Variants in KYNU observed in about 807,000 individuals in gnomAD.
The protein encoded by KYNU is kynureninase, also known as L-kynurenine hydrolase.
Under a neutral mutation model 59.2 loss-of-function variants are expected in KYNU, and 54 were observed. That is an observed-to-expected ratio of 0.91 (90% CI 0.73 to 1.14). KYNU has a LOEUF of 1.14. Among genes scored for constraint, KYNU ranks in the 50% most tolerant of loss-of-function variants. The probability of loss-of-function intolerance (pLI) is 0.00; values close to 1 mark genes in which losing one functional copy is unlikely to be tolerated. For synonymous variants in KYNU, 177 were observed against 192.0 expected (o/e 0.92, Z 0.65); for missense variants, 567 against 554.4 (o/e 1.02, Z -0.23).
rs531529615 is a variant in KYNU at position 142,905,685 on chromosome 2, C to G, written c.170-12924C>G. ...ATGTGTGCTCACAATAAGGTTTCCTCTAAAGGTTATTTTTCTACTTTCTTC... is the reference window on the plus strand; with the variant it reads ...ATGTGTGCTCACAATAAGGTTTCCTGTAAAGGTTATTTTTCTACTTTCTTC... On this transcript the variant is annotated intron_variant, in intron 2 of 13. Coordinates refer to ENST00000264170, the MANE Select transcript of KYNU (RefSeq NM_003937.3). Among the ~76,000 whole-genome samples the G allele has an allele frequency of 7.2e-5, 11 of 152,290 alleles. 2 individuals carry two copies. The South Asian group carries it at 2.1e-3, about 29-fold the overall frequency.
In KYNU at chr2:142,899,139, G is replaced by A. The variant is rs531934308; in HGVS notation, c.169+13603G>A. Among the ~76,000 whole-genome samples, 11 of 152,262 alleles carry A rather than the reference G, an allele frequency of 7.2e-5. No homozygotes were observed. In the East Asian group the frequency reaches 7.7e-4, roughly 11 times the overall value. Reference sequence around the variant, plus strand: ...AGTGAGCAAAAGCTCAGCTCAAGCCGTAACAAACACGGACCAGAAGAGCGT... The same window carrying A: ...AGTGAGCAAAAGCTCAGCTCAAGCCATAACAAACACGGACCAGAAGAGCGT... On this transcript the variant is annotated intron_variant, in intron 2 of 13. Transcript: ENST00000264170.
intron 8 of KYNU, among the ~76,000 whole-genome samples, chr2:142,970,755 TAAC>T (rs1275889674): frequency 3.3e-5 from 5 of 152,214 alleles, no homozygotes; most frequent in Admixed American, 1.3e-4. Flanking sequence ...AGAATGCAAA[TAAC>T]TTCAGCTCTT....
chr2:143,003,214 T>C (rs1356255071), intron 10 of KYNU, among the ~76,000 whole-genome samples: 3 of 152,164 alleles, frequency 2.0e-5, no homozygotes, highest in Non-Finnish European at 1.5e-5. Context: ...CTCAGTTATC[T>C]GTTCAAATTA....
chr2:142,938,044 AT>A (rs1232139878), intron 4 of KYNU, among the ~76,000 whole-genome samples: 2 of 151,506 alleles, frequency 1.3e-5, no homozygotes, highest in African/African-American at 4.9e-5. Context: ...GACTTCGGTA[AT>A]TTTTTTTTAC....
chr2:142,979,588 A>C (rs1684994475), intron 8 of KYNU, among the ~76,000 whole-genome samples: 1 of 152,126 alleles, frequency 6.6e-6, no homozygotes. Flanking sequence ...AAGTTTATGT[A>C]AATAGAGAGA....
intron 4 of KYNU, among the ~76,000 whole-genome samples, chr2:142,930,647 GTC>G (rs1683178706): frequency 6.6e-6 from 1 of 152,060 alleles, no homozygotes; most frequent in Non-Finnish European, 1.5e-5. Flanking sequence ...GTTCTCTGGT[GTC>G]TCTCACACGT....
chr2:142,913,307 C>T (rs970833553), intron 2 of KYNU, among the ~76,000 whole-genome samples: 5 of 152,174 alleles, frequency 3.3e-5, no homozygotes, highest in Admixed American at 2.6e-4. Context: ...ATCATTCTAA[C>T]TTACTGATGT....
At chr2:142,883,280 A>AC (rs964313866) in intron 1 of KYNU, among the ~76,000 whole-genome samples, 3 of 117,222 alleles carry the variant, frequency 2.6e-5, no homozygotes, top group South Asian at 3.0e-4. Context: ...TGCAGGCTCC[A>AC]CCCCCCGGGG....
At position 143,044,711 on chromosome 2, in the gene KYNU, T is replaced by C. The variant is rs1165848490; in HGVS notation, c.*2539T>C. Reference sequence around the variant, plus strand: ...TTCTTGTAAATTTATTTAAGTCCCTTGTAGATTCTGGATATTTTCCCTTTG... The same window carrying C: ...TTCTTGTAAATTTATTTAAGTCCCTCGTAGATTCTGGATATTTTCCCTTTG... On this transcript the variant is annotated 3_prime_UTR_variant, in exon 14 of 14. Transcript: ENST00000264170. The C allele has an allele frequency of 6.6e-6, 1 of 152,186 alleles. No homozygotes were observed. Among genetic ancestry groups the C allele is most frequent in the Non-Finnish European group, 1.5e-5 (1 of 68,022 alleles). 9.4% of individuals were successfully genotyped at this position (152,186 alleles called of 1,614,324 possible).
chr2:142,991,355 G>A (rs938165438), intron 10 of KYNU, among the ~76,000 whole-genome samples: 16 of 151,920 alleles, frequency 1.1e-4, no homozygotes, highest in Non-Finnish European at 1.9e-4. Flanking sequence ...ACAACAGGAA[G>A]CATAGGTCGC....
intron 8 of KYNU, among the ~76,000 whole-genome samples, chr2:142,961,495 ACT>A (rs1684348839): frequency 6.6e-6 from 1 of 151,608 alleles, no homozygotes; most frequent in Admixed American, 6.6e-5. Flanking sequence ...ACTATAAATC[ACT>A]CTATAAATGA....
intron 4 of KYNU, among the ~76,000 whole-genome samples, chr2:142,934,449 T>G (rs1307552779): frequency 6.6e-6 from 1 of 151,946 alleles, no homozygotes; most frequent in East Asian, 1.9e-4. Context: ...AAGAGTAGTG[T>G]GGAGCTTTGA....
chr2:143,024,049 A>G (rs1353619917), intron 10 of KYNU, among the ~76,000 whole-genome samples: 2 of 151,904 alleles, frequency 1.3e-5, no homozygotes, highest in Non-Finnish European at 3.0e-5. Context: ...AAGTATAAAT[A>G]GAAAATGTAA....
intron 10 of KYNU, among the ~76,000 whole-genome samples, chr2:142,991,209 A>G (rs1685389114): frequency 6.6e-6 from 1 of 151,894 alleles, no homozygotes; most frequent in African/African-American, 2.4e-5. Context: ...TTTCCAGGCA[A>G]CAGTTGAGAA....
At chr2:142,878,242 A>G (rs1055005960) in intron 1 of KYNU, among the ~76,000 whole-genome samples, 37 of 152,146 alleles carry the variant, frequency 2.4e-4, no homozygotes, top group Non-Finnish European at 5.0e-4. Flanking sequence ...AAGAAAGTTG[A>G]TACACTTTTT....
chr2:142,972,522 T>A (rs1684755889), intron 8 of KYNU, among the ~76,000 whole-genome samples: 1 of 152,166 alleles, frequency 6.6e-6, no homozygotes, highest in African/African-American at 2.4e-5. Context: ...TAGCTACAGT[T>A]GATGGCCTAC....
chr2:142,975,557 C>A (rs991629773), intron 8 of KYNU, among the ~76,000 whole-genome samples: 3 of 152,284 alleles, frequency 2.0e-5, no homozygotes, highest in African/African-American at 7.2e-5. Flanking sequence ...TTGTAACATA[C>A]CCCTAGATGC....
chr2:142,947,117 A>G lies in KYNU; in HGVS notation c.374-7693A>G. The G allele has an allele frequency of 2.6e-6, 4 of 1,551,090 alleles. No homozygotes were observed. In the South Asian group the frequency reaches 4.8e-5, roughly 18 times the overall value. ...TTTGTTGCTTTTTTCAGCCACCCTT[A>G]CAGACCCCCAACACAATCAACCTGG... On this transcript the variant is annotated intron_variant, in intron 4 of 13. Coordinates refer to ENST00000264170, the MANE Select transcript of KYNU (RefSeq NM_003937.3).
At chr2:142,923,305 C>T (rs899029116) in intron 3 of KYNU, among the ~76,000 whole-genome samples, 1 of 152,108 alleles carries the variant, frequency 6.6e-6, no homozygotes, top group Non-Finnish European at 1.5e-5. Flanking sequence ...TCATTTTCAA[C>T]TCTATGGGAT....
Sources: allele counts gnomAD v4.1 joint callset (sites outside exome capture counted in the v4.1 genomes callset), GRCh38; gene constraint gnomAD v4.1.1; transcripts MANE v1.5; gene names NCBI Gene and HGNC (gene_info 2026-07-23, HGNC 2026-07-21).